The following IFI16 variants were observed in gnomAD, a reference collection of about 807,000 sequenced individuals.
IFI16 encodes interferon gamma inducible protein 16.
In IFI16, 49 loss-of-function variants were observed where a neutral mutation model predicts 68.4. The ratio of observed to expected loss-of-function variants is 0.72; its 90% CI spans 0.57 to 0.91. IFI16 has a LOEUF of 0.91. IFI16 is among the 40% of genes least tolerant of loss of function. The pLI is 0.00. For synonymous variants in IFI16, 307 were observed against 315.0 expected (o/e 0.97, Z 0.27); for missense variants, 878 against 942.9 (o/e 0.93, Z 0.90).
At chr1:159,026,722 C>T (rs1653695348) in intron 6 of IFI16, among the ~76,000 whole-genome samples, 1 of 152,086 alleles carries the variant, frequency 6.6e-6, no homozygotes, top group African/African-American at 2.4e-5. Context: ...GGTCTTTCAC[C>T]TCCTTGGTTA....
At chr1:159,015,830 T>G (rs1331709035) in intron 2 of IFI16, 42 bp from the exon 3 acceptor site, 2 of 1,449,644 alleles carry the variant, frequency 1.4e-6, no homozygotes, top group East Asian at 4.5e-5. Flanking sequence ...TATGTCTTCC[T>G]TTTTTCTGCA....
upstream of IFI16, among the ~76,000 whole-genome samples, chr1:159,002,036 G>T (rs1336031004): frequency 6.6e-6 from 1 of 152,128 alleles, no homozygotes; most frequent in Non-Finnish European, 1.5e-5. Context: ...AAAATGTTGA[G>T]GGAGCATATA....
At chr1:159,047,778 T>A (rs1258420008) in intron 8 of IFI16, among the ~76,000 whole-genome samples, 4 of 149,134 alleles carry the variant, frequency 2.7e-5, no homozygotes, top group African/African-American at 9.8e-5. Context: ...TTTTCTATAA[T>A]AGAGTTCTTT....
rs953895687 is a variant in IFI16 at position 159,032,784 on chromosome 1, G to A, written c.1329+93G>A. 6.7e-5 allele frequency: 65 copies of A among 976,236 alleles called. No homozygotes were observed. In the Admixed American group the frequency reaches 2.5e-3, roughly 38 times the overall value. 60.5% of individuals were successfully genotyped at this position (976,236 alleles called of 1,614,324 possible). ...AAAGAGCTACTGCTGTAATCTCTGT[G>A]AATGGATTGGTACAATCTTGGTATG... On this transcript the variant is annotated intron_variant, in intron 7 of 11. Coordinates refer to ENST00000295809, the MANE Select transcript of IFI16 (RefSeq NM_001376587.1).
In IFI16 at chr1:159,016,673, A is replaced by G. The variant is rs150705637; in HGVS notation, c.522A>G (p.Ser174=). 38 of 1,613,908 alleles carry G rather than the reference A, an allele frequency of 2.4e-5. No homozygotes were observed. Among genetic ancestry groups the G allele is most frequent in the Non-Finnish European group, 3.2e-5 (38 of 1,179,994 alleles). The part of the protein sequence containing the change: ...GRSPSPKTSL[S]APPNSSSTEN... Reference sequence around the variant, plus strand: ...CCCCATCTCCCAAGACCTCATTGTCAGCTCCACCCAACAGTTCTTCAACTG... The same window carrying G: ...CCCCATCTCCCAAGACCTCATTGTCGGCTCCACCCAACAGTTCTTCAACTG... The change falls in exon 4 of 12, where the codon TCA becomes TCG. Residue 174 remains serine, a synonymous_variant. Transcript: ENST00000295809.
At chr1:159,033,684 T>C (rs1654145198) in intron 7 of IFI16, among the ~76,000 whole-genome samples, 1 of 152,168 alleles carries the variant, frequency 6.6e-6, no homozygotes, top group South Asian at 2.1e-4. Context: ...ACGTGAAAAA[T>C]TAATGATTAT....
intron 7 of IFI16, among the ~76,000 whole-genome samples, chr1:159,039,766 C>G (rs368034692): frequency 6.6e-6 from 1 of 152,222 alleles, no homozygotes. Context: ...AGACTTGAAA[C>G]TGCATCTGCA....
chr1:159,025,061 A>G (rs551717252), intron 6 of IFI16, among the ~76,000 whole-genome samples: 58 of 151,838 alleles, frequency 3.8e-4, no homozygotes, highest in African/African-American at 1.4e-3. Flanking sequence ...GGTGTACTGG[A>G]AATTCTAGGG....
intron 1 of IFI16, among the ~76,000 whole-genome samples, chr1:159,012,656 G>C (rs147249665): frequency 1.3e-5 from 2 of 152,154 alleles, no homozygotes; most frequent in Non-Finnish European, 2.9e-5. Context: ...TGCTGCCTGC[G>C]TCAGTCACAA....
intron 1 of IFI16, among the ~76,000 whole-genome samples, chr1:159,012,136 C>T (rs1213249835): frequency 6.6e-6 from 1 of 151,954 alleles, no homozygotes; most frequent in Admixed American, 6.6e-5. Flanking sequence ...ATATTATTTT[C>T]AATAGATGTT....
intron 10 of IFI16, 171 bp from the exon 11 acceptor site, chr1:159,053,362 A>T: frequency 2.3e-6 from 1 of 437,988 alleles, no homozygotes; most frequent in Non-Finnish European, 4.0e-6. Flanking sequence ...AGGAGTTGAA[A>T]GGCAGGATTC....
exon 1 of IFI16, chr1:159,000,228 G>T: frequency 3.8e-6 from 1 of 260,102 alleles, no homozygotes; most frequent in South Asian, 7.4e-5. Context: ...TCATCTGGAA[G>T]AAAGCACTTA....
upstream of IFI16, among the ~76,000 whole-genome samples, chr1:159,009,535 T>C (rs959185050): frequency 1.3e-5 from 2 of 152,224 alleles, no homozygotes; most frequent in African/African-American, 4.8e-5. Flanking sequence ...CTCTTATATT[T>C]GAGCATCATT....
rs1258928054 is a variant in IFI16 at position 159,032,773 on chromosome 1, G to A, written c.1329+82G>A. The A allele has an allele frequency of 4.8e-6, 5 of 1,044,100 alleles. No homozygotes were observed. The African/African-American group carries it at 7.0e-5, about 15-fold the overall frequency. 64.7% of individuals were successfully genotyped at this position (1,044,100 alleles called of 1,614,324 possible). A position where few individuals can be genotyped will look rare whatever the true frequency, so the allele number is the denominator to read the frequency against. ...TTAGACTGTTGAAAGAGCTACTGCT[G>A]TAATCTCTGTGAATGGATTGGTACA... On this transcript the variant is annotated intron_variant, in intron 7 of 11. Coordinates refer to ENST00000295809, the MANE Select transcript of IFI16 (RefSeq NM_001376587.1).
rs139735053 is a variant in IFI16, at chr1:159,032,753, C to A, written c.1329+62C>A. 997 of 1,338,856 alleles carry A rather than the reference C, an allele frequency of 7.4e-4. 5 individuals are homozygous for A. The highest frequency in any genetic ancestry group is 4.0e-3 in the South Asian group (257 of 64,932). 82.9% of individuals were successfully genotyped at this position (1,338,856 alleles called of 1,614,324 possible). ...ACCATAATTTACAGGGATCATTAGA[C>A]TGTTGAAAGAGCTACTGCTGTAATC... On this transcript the variant is annotated intron_variant, in intron 7 of 11. Coordinates refer to ENST00000295809, the MANE Select transcript of IFI16 (RefSeq NM_001376587.1).
At chr1:159,045,850 T>G (rs1654948955) in intron 8 of IFI16, among the ~76,000 whole-genome samples, 1 of 151,140 alleles carries the variant, frequency 6.6e-6, no homozygotes, top group Non-Finnish European at 1.5e-5. Context: ...TCTTTAAAAA[T>G]TTAGGAAAAG....
chr1:159,049,431 G>A lies in IFI16; in HGVS notation c.1498-1G>A, dbSNP rs751242302. On this transcript the variant is annotated splice_acceptor_variant, in intron 8 of 11. Transcript: ENST00000295809. LOFTEE classifies it high-confidence loss of function. ...AAGAACAAACATCTATTTTCCTTTA[G>A]AAAAGTGAAGACACAATCTCCAAAA... is the stretch of plus-strand genomic sequence containing the variant. The A allele has an allele frequency of 3.0e-6, 4 of 1,350,246 alleles. No individual in the cohort carries two copies. The highest frequency in any genetic ancestry group is 4.3e-5 in the Admixed American group (2 of 47,036). 83.6% of individuals were successfully genotyped at this position (1,350,246 alleles called of 1,614,324 possible).
intron 1 of IFI16, among the ~76,000 whole-genome samples, chr1:159,011,413 G>C (rs1652552279): frequency 6.6e-6 from 1 of 151,416 alleles, no homozygotes. Flanking sequence ...TTTCTTTGTA[G>C]TGCTCTCACA....
At position 159,053,677 on chromosome 1, in the gene IFI16, AG is replaced by A. The variant is rs778206033; in HGVS notation, c.2231del (p.Ser744MetfsTer7). 1.2e-6 allele frequency: 2 copies of A among 1,614,002 alleles called. No individual in the cohort carries two copies. Among genetic ancestry groups the A allele is most frequent in the Non-Finnish European group, 1.7e-6 (2 of 1,179,884 alleles). On this transcript the variant is annotated frameshift_variant, in exon 11 of 12. Coordinates refer to ENST00000295809, the MANE Select transcript of IFI16 (RefSeq NM_001376587.1). LOFTEE classifies it low-confidence loss of function (END_TRUNC). ...KLTCFELAPKSGNTGELRSVI... is the reference protein window; with the variant it reads ...KLTCFELAPKXGNTGELRSVI... Reference sequence around the variant, plus strand: ...CACCTGCTTTGAATTGGCACCGAAAAGTGGGAATACCGGGGAGTTGAGATCT... The same window carrying A: ...CACCTGCTTTGAATTGGCACCGAAAATGGGAATACCGGGGAGTTGAGATCT...
Sources: allele counts gnomAD v4.1 joint callset (sites outside exome capture counted in the v4.1 genomes callset), GRCh38; gene constraint gnomAD v4.1.1; transcripts MANE v1.5; gene names NCBI Gene and HGNC (gene_info 2026-07-23, HGNC 2026-07-21).